Variants in SMYD2 observed in about 807,000 individuals in gnomAD.
SMYD2 encodes N-lysine methyltransferase SMYD2.
In SMYD2, 53 loss-of-function variants were observed where a neutral mutation model predicts 59.1. The ratio of observed to expected loss-of-function variants is 0.90; its 90% CI spans 0.72 to 1.13. SMYD2 has a LOEUF of 1.13. Ranked by LOEUF, SMYD2 falls within the 50% of genes most tolerant of loss-of-function variation. SMYD2 has a pLI of 0.00. For missense variants in SMYD2, 494 were observed against 544.7 expected (o/e 0.91, Z 0.93); for synonymous variants, 208 against 198.8 (o/e 1.05, Z -0.39).
chr1:214,307,034 G>A (rs551171879), intron 2 of SMYD2, among the ~76,000 whole-genome samples: 21 of 152,328 alleles, frequency 1.4e-4, no homozygotes, highest in African/African-American at 3.4e-4. Context: ...TTAGCCAGGC[G>A]TGGTGGCGGG....
intron 1 of SMYD2, among the ~76,000 whole-genome samples, chr1:214,301,543 A>G (rs1405764247): frequency 1.4e-5 from 2 of 143,748 alleles, no homozygotes; most frequent in African/African-American, 2.7e-5. Flanking sequence ...TAATATTACC[A>G]CTAGTCTCAT....
intron 1 of SMYD2, among the ~76,000 whole-genome samples, chr1:214,299,073 C>G (rs1656778358): frequency 6.6e-6 from 1 of 152,094 alleles, no homozygotes; most frequent in South Asian, 2.1e-4. Flanking sequence ...ATTGCTTGAG[C>G]ACAAGAGTTT....
intron 5 of SMYD2, 55 bp from the exon 6 acceptor site, chr1:214,324,586 A>T: frequency 1.4e-6 from 2 of 1,456,898 alleles, no homozygotes; most frequent in Non-Finnish European, 1.9e-6. Flanking sequence ...AATGATCTCT[A>T]CCCAGAAAGA....
rs112277150 is a variant in SMYD2 at position 214,335,608 on chromosome 1, A to T, written c.1222-1096A>T. On this transcript the variant is annotated intron_variant, in intron 11 of 11. Transcript: ENST00000366957. ...TTTTTTCTCTGAGTAATTTGGCTGAATACAAAAGAGCAAATACATTCTTAG... is the reference window on the plus strand; with the variant it reads ...TTTTTTCTCTGAGTAATTTGGCTGATTACAAAAGAGCAAATACATTCTTAG... 1.7e-3 allele frequency among the ~76,000 whole-genome samples: 256 copies of T among 152,352 alleles called. 14 individuals carry two copies. In the South Asian group the frequency reaches 0.048, roughly 29 times the overall value.
At chr1:214,288,841 C>T (rs769849175) in intron 1 of SMYD2, among the ~76,000 whole-genome samples, 2 of 151,690 alleles carry the variant, frequency 1.3e-5, no homozygotes, top group African/African-American at 4.8e-5. Flanking sequence ...TTTAATATTA[C>T]GCTAGGACTA....
At chr1:214,331,743 A>G (rs1399385048) in intron 9 of SMYD2, 1 of 326,504 alleles carries the variant, frequency 3.1e-6, no homozygotes, top group East Asian at 5.3e-5. Flanking sequence ...GAATTTGATT[A>G]GAATCGTGAT....
chr1:214,296,762 A>G (rs965003859), intron 1 of SMYD2, among the ~76,000 whole-genome samples: 1 of 151,014 alleles, frequency 6.6e-6, no homozygotes, highest in African/African-American at 2.4e-5. Context: ...TACATCAAGT[A>G]CCAGAAAGAA....
intron 1 of SMYD2, among the ~76,000 whole-genome samples, chr1:214,295,006 A>T (rs1656700942): frequency 6.6e-6 from 1 of 152,238 alleles, no homozygotes; most frequent in South Asian, 2.1e-4. Context: ...ATTACAAAGT[A>T]CTAATAGTAA....
intron 6 of SMYD2, 27 bp downstream of exon 6, chr1:214,324,735 T>C (rs202140880): frequency 1.6e-5 from 25 of 1,591,096 alleles, no homozygotes; most frequent in Middle Eastern, 3.3e-4. Context: ...TTCATTTCTT[T>C]CCTTTTTACT....
chr1:214,296,570 G>A (rs920665995), intron 1 of SMYD2, among the ~76,000 whole-genome samples: 1 of 152,136 alleles, frequency 6.6e-6, no homozygotes, highest in Non-Finnish European at 1.5e-5. Context: ...CTAATTAAAA[G>A]TGTAGTAGTA....
chr1:214,316,987 T>C (rs72755493), intron 3 of SMYD2, among the ~76,000 whole-genome samples: 10,336 of 152,060 alleles, frequency 0.068, 499 homozygotes, highest in Non-Finnish European at 0.1. Flanking sequence ...CAAGCTGGTG[T>C]TTTATTATTT....
At position 214,318,140 on chromosome 1, in the gene SMYD2, G is replaced by T; in HGVS notation, c.409+1G>T. 1 of 1,613,734 alleles carries T rather than the reference G, an allele frequency of 6.2e-7. No homozygotes were observed. The highest frequency in any genetic ancestry group is 8.5e-7 in the Non-Finnish European group (1 of 1,179,894). ...TTAGCTGTGAAGGAGTTTGAATCAC[G>T]TAAGTCTTTCTGTGACCAGCCGCGC... On this transcript the variant is annotated splice_donor_variant, in intron 4 of 11. Coordinates refer to ENST00000366957, the MANE Select transcript of SMYD2 (RefSeq NM_020197.3). LOFTEE classifies it high-confidence loss of function. The surrounding 1 kb of genome is among the most constrained non-coding windows in gnomAD (Gnocchi z 5.4).
At chr1:214,306,643 G>A (rs996475992) in intron 2 of SMYD2, among the ~76,000 whole-genome samples, 8 of 152,176 alleles carry the variant, frequency 5.3e-5, no homozygotes, top group Admixed American at 3.3e-4. Flanking sequence ...GTAGTGCAAC[G>A]GCATTGTAGA....
intron 1 of SMYD2, among the ~76,000 whole-genome samples, chr1:214,301,769 TAAA>T (rs56102481): frequency 0.4 from 53,234 of 133,272 alleles, 11,095 homozygotes; most frequent in Admixed American, 0.52. Context: ...TCTTTCAAGT[TAAA>T]AAAAAAAAAA....
chr1:214,281,431 G>GGGCGGC lies in SMYD2; in HGVS notation c.173+22_173+27dup, dbSNP rs539190942. On this transcript the variant is annotated splice_donor_region_variant and intron_variant, in intron 1 of 11. Transcript: ENST00000366957. Reference sequence around the variant, plus strand: ...ACTGCGAGTACTGCTTCACCAGGTAGGGCGGCGGCGGCGGCGGCGGCGGGC... The same window carrying GGGCGGC: ...ACTGCGAGTACTGCTTCACCAGGTAGGGCGGCGGCGGCGGCGGCGGCGGCGGCGGGC... 7.3e-3 allele frequency: 10,348 copies of GGGCGGC among 1,409,036 alleles called. 30 individuals are homozygous for GGGCGGC. Among genetic ancestry groups the GGGCGGC allele is most frequent in the South Asian group, 9.5e-3 (533 of 56,158 alleles). The allele number at this position is 1,409,036 out of a possible 1,614,324, so 87.3% of individuals were successfully genotyped here. A position where few individuals can be genotyped will look rare whatever the true frequency, so the allele number is the denominator to read the frequency against.
At chr1:214,282,241 A>G (rs1343208973) in intron 1 of SMYD2, among the ~76,000 whole-genome samples, 1 of 152,254 alleles carries the variant, frequency 6.6e-6, no homozygotes, top group Non-Finnish European at 1.5e-5. Context: ...GGCACATTAG[A>G]AATCACCAAT....
chr1:214,283,557 A>G (rs1181835563), intron 1 of SMYD2, among the ~76,000 whole-genome samples: 1 of 152,244 alleles, frequency 6.6e-6, no homozygotes, highest in African/African-American at 2.4e-5. Flanking sequence ...GATTTCTATT[A>G]AATCTGAATC....
rs758464790 is a variant in SMYD2, at chr1:214,330,311, G to A, written c.816+33G>A. On this transcript the variant is annotated intron_variant, in intron 8 of 11. Transcript: ENST00000366957. ...TGTTCATTGGGCAAGAGCGCTGACT[G>A]CACTCTGATCTCAGGACCTCTCTGC... 21 of 1,447,334 alleles carry A rather than the reference G, an allele frequency of 1.5e-5. No homozygotes were observed. The East Asian group carries it at 4.6e-4, about 32-fold the overall frequency. 89.7% of individuals were successfully genotyped at this position (1,447,334 alleles called of 1,614,324 possible).
At chr1:214,305,098 A>G in intron 1 of SMYD2, 89 bp from the exon 2 acceptor site, 1 of 1,280,466 alleles carries the variant, frequency 7.8e-7, no homozygotes, top group South Asian at 1.2e-5. Context: ...TCTGCTTTCC[A>G]ACCAAGTGGC....
Sources: gnomAD v4.1 joint callset for allele counts (sites outside exome capture counted in the v4.1 genomes callset) on GRCh38, gnomAD v4.1.1 for gene constraint, Gnocchi (gnomAD v3.1) non-coding constraint, MANE v1.5 for transcripts, NCBI Gene and HGNC (gene_info 2026-07-23, HGNC 2026-07-21) for gene names.